Variants in FAR2 observed in about 807,000 individuals in gnomAD.
FAR2 encodes the protein fatty acyl-CoA reductase 2, also known as epididymis secretory protein Li 81.
In FAR2, 19 loss-of-function variants were observed where a neutral mutation model predicts 56.0. That is an observed-to-expected ratio of 0.34 (90% CI 0.24 to 0.50). FAR2 has a LOEUF of 0.50. FAR2 is among the 20% of genes least tolerant of loss of function. The pLI, the probability that FAR2 is intolerant of heterozygous loss-of-function variation, is 0.98. For missense variants in FAR2, 508 were observed against 642.2 expected (o/e 0.79, Z 2.26); for synonymous variants, 219 against 218.8 (o/e 1.00, Z -0.01).
intron 1 of FAR2, among the ~76,000 whole-genome samples, chr12:29,224,060 C>T (rs1023374463): frequency 2.0e-5 from 3 of 152,252 alleles, no homozygotes; most frequent in South Asian, 2.1e-4. Flanking sequence ...CCTAAGAAAT[C>T]GATGACTAAT....
intron 4 of FAR2, among the ~76,000 whole-genome samples, chr12:29,304,805 T>C (rs1440261708): frequency 6.6e-6 from 1 of 152,264 alleles, no homozygotes; most frequent in Non-Finnish European, 1.5e-5. Context: ...AATTCAAGTT[T>C]AGAATTTGAG....
chr12:29,170,908 C>T (rs1293233767), intron 1 of FAR2, among the ~76,000 whole-genome samples: 2 of 152,236 alleles, frequency 1.3e-5, no homozygotes, highest in Non-Finnish European at 1.5e-5. Flanking sequence ...GGTTTTTGCA[C>T]TGCGTGCAAC....
chr12:29,268,658 A>T (rs1389405741), intron 1 of FAR2, among the ~76,000 whole-genome samples: 2 of 152,188 alleles, frequency 1.3e-5, no homozygotes, highest in African/African-American at 4.8e-5. Context: ...CTTGACCTAG[A>T]CACATTTTCA....
chr12:29,209,935 A>T (rs1165989915), intron 1 of FAR2, among the ~76,000 whole-genome samples: 1 of 152,108 alleles, frequency 6.6e-6, no homozygotes, highest in Non-Finnish European at 1.5e-5. Flanking sequence ...GGCAGGGTAC[A>T]GTGACCCAGA....
At chr12:29,237,674 T>C (rs925204448) in intron 1 of FAR2, among the ~76,000 whole-genome samples, 2 of 152,186 alleles carry the variant, frequency 1.3e-5, no homozygotes, top group Non-Finnish European at 2.9e-5. Context: ...AAACAAACTA[T>C]TGTTCAGATC....
At chr12:29,179,179 A>C (rs781586663) in intron 1 of FAR2, among the ~76,000 whole-genome samples, 8 of 152,210 alleles carry the variant, frequency 5.3e-5, no homozygotes, top group Admixed American at 2.0e-4. Flanking sequence ...TCACATTCTG[A>C]GGTTATCAAG....
intron 1 of FAR2, among the ~76,000 whole-genome samples, chr12:29,256,805 G>A (rs1205108490): frequency 6.6e-6 from 1 of 152,228 alleles, no homozygotes; most frequent in African/African-American, 2.4e-5. Context: ...CGAGGAGGGT[G>A]TACTGGGTCC....
chr12:29,242,252 C>A (rs577337564), intron 1 of FAR2, among the ~76,000 whole-genome samples: 2 of 152,278 alleles, frequency 1.3e-5, no homozygotes, highest in East Asian at 3.9e-4. Flanking sequence ...CAAAAAGCTT[C>A]TTTAAAAAAA....
At chr12:29,198,070 T>C (rs1373648477) in intron 1 of FAR2, among the ~76,000 whole-genome samples, 1 of 152,220 alleles carries the variant, frequency 6.6e-6, no homozygotes, top group East Asian at 1.9e-4. Context: ...TGCGAACAGC[T>C]GTGTACTTTC....
intron 1 of FAR2, among the ~76,000 whole-genome samples, chr12:29,220,834 A>G (rs1947678692): frequency 6.6e-6 from 1 of 152,142 alleles, no homozygotes; most frequent in Non-Finnish European, 1.5e-5. Flanking sequence ...CAAAGGAAGT[A>G]AAGTACACTT....
chr12:29,317,697 A>G (rs1949476317), intron 9 of FAR2: 1 of 152,644 alleles, frequency 6.6e-6, no homozygotes. Flanking sequence ...AATGATGACA[A>G]CCTCACTTAC....
intron 1 of FAR2, among the ~76,000 whole-genome samples, chr12:29,203,992 T>C: frequency 1.2e-5 from 1 of 83,358 alleles, no homozygotes; most frequent in African/African-American, 4.7e-5. Context: ...AGAGTGAGAT[T>C]CCATCTCAAA....
At chr12:29,224,678 A>G (rs1327145177) in intron 1 of FAR2, among the ~76,000 whole-genome samples, 2 of 152,084 alleles carry the variant, frequency 1.3e-5, no homozygotes, top group East Asian at 3.9e-4. Context: ...CAAACATTTT[A>G]CTTGTTTCTT....
At chr12:29,243,190 G>A (rs1318182137) in intron 1 of FAR2, among the ~76,000 whole-genome samples, 1 of 152,188 alleles carries the variant, frequency 6.6e-6, no homozygotes, top group Non-Finnish European at 1.5e-5. Flanking sequence ...ATTTTCTGTG[G>A]TTGGTGTTAA....
intron 1 of FAR2, among the ~76,000 whole-genome samples, chr12:29,217,087 T>C (rs1418470700): frequency 1.3e-5 from 2 of 152,154 alleles, no homozygotes; most frequent in Non-Finnish European, 2.9e-5. Flanking sequence ...GGTTAAAATG[T>C]AGGAGATTAG....
intron 1 of FAR2, among the ~76,000 whole-genome samples, chr12:29,193,243 CA>C (rs1253538795): frequency 2.6e-5 from 4 of 152,166 alleles, no homozygotes; most frequent in African/African-American, 9.7e-5. Context: ...TGTATGGACA[CA>C]TCATTATCAC....
At position 29,307,581 on chromosome 12, in the gene FAR2, T is replaced by C. The variant is rs1056312680; in HGVS notation, c.546-77T>C. On this transcript the variant is annotated intron_variant, in intron 4 of 11. Transcript: ENST00000536681. ...CGAGGCTAAAAGGTGGAAGTTTTGTTTGATTGTGTCTCACATTTTCCTTTT... is the reference window on the plus strand; with the variant it reads ...CGAGGCTAAAAGGTGGAAGTTTTGTCTGATTGTGTCTCACATTTTCCTTTT... 1.1e-5 allele frequency: 15 copies of C among 1,411,938 alleles called. 1 individual carries two copies. In the South Asian group the frequency reaches 1.5e-4, roughly 14 times the overall value. 87.5% of individuals were successfully genotyped at this position (1,411,938 alleles called of 1,614,324 possible). A position where few individuals can be genotyped will look rare whatever the true frequency, so the allele number is the denominator to read the frequency against.
chr12:29,217,058 T>G (rs1947629692), intron 1 of FAR2, among the ~76,000 whole-genome samples: 1 of 152,196 alleles, frequency 6.6e-6, no homozygotes, highest in Non-Finnish European at 1.5e-5. Context: ...TTAGTATAAC[T>G]TACCCCTACC....
rs944026453 is a variant in FAR2 at position 29,280,220 on chromosome 12, C to T, written c.189+9582C>T. On this transcript the variant is annotated intron_variant, in intron 2 of 11. Transcript: ENST00000536681. ...GATTACAGGCATGAGCCACTACTCC[C>T]GGCTAAATGTTAGTTTTTTATCAGT... is the stretch of plus-strand genomic sequence containing the variant. 2.6e-4 allele frequency among the ~76,000 whole-genome samples: 40 copies of T among 152,310 alleles called. 1 individual carries two copies. The highest frequency in any genetic ancestry group is 2.1e-4 in the South Asian group (1 of 4,832).
Sources: gnomAD v4.1 joint callset for allele counts (sites outside exome capture counted in the v4.1 genomes callset) on GRCh38, gnomAD v4.1.1 for gene constraint, MANE v1.5 for transcripts, NCBI Gene and HGNC (gene_info 2026-07-23, HGNC 2026-07-21) for gene names.